Variants in CAMK2D observed in about 807,000 individuals in gnomAD.
CAMK2D encodes the protein calcium/calmodulin-dependent protein kinase type II subunit delta.
Under a neutral mutation model 84.0 loss-of-function variants are expected in CAMK2D, and 37 were observed. That is an observed-to-expected ratio of 0.44 (90% confidence interval 0.34 to 0.58). The LOEUF is 0.58. CAMK2D is among the 20% of genes least tolerant of loss of function. CAMK2D has a pLI of 0.02. For synonymous variants in CAMK2D, 202 were observed against 212.5 expected, an observed-to-expected ratio of 0.95 and a Z score of 0.43; for missense variants, 448 against 652.5, an observed-to-expected ratio of 0.69 and a Z score of 3.41.
At chr4:113,498,065 C>G (rs957768109) in intron 16 of CAMK2D, among the ~76,000 whole-genome samples, 1 of 152,074 alleles carries the variant, frequency 6.6e-6, no homozygotes, top group South Asian at 2.1e-4. Context: ...ATTGTGAGTT[C>G]TTGGATGTTA....
intron 16 of CAMK2D, among the ~76,000 whole-genome samples, chr4:113,491,735 C>A (rs1313042730): frequency 1.3e-5 from 2 of 152,114 alleles, no homozygotes; most frequent in African/African-American, 4.8e-5. Flanking sequence ...CCTCCTCGTA[C>A]CTCTGGTAGA....
chr4:113,604,896 T>C (rs1191159339), intron 4 of CAMK2D, among the ~76,000 whole-genome samples: 1 of 152,224 alleles, frequency 6.6e-6, no homozygotes, highest in Non-Finnish European at 1.5e-5. Context: ...TTGATGACTG[T>C]GGAAAACTGG....
At chr4:113,476,701 G>A (rs2097628373) in intron 16 of CAMK2D, among the ~76,000 whole-genome samples, 2 of 152,114 alleles carry the variant, frequency 1.3e-5, no homozygotes. Context: ...TACTGATCAG[G>A]AGTCATGTAC....
At position 113,451,129 on chromosome 4, in the gene CAMK2D, A is replaced by T. The variant is rs1157135060; in HGVS notation, c.*3416T>A. On this transcript the variant is annotated 3_prime_UTR_variant, in exon 21 of 21. Coordinates refer to ENST00000511664, the MANE Select transcript of CAMK2D (RefSeq NM_001321571.2). ...TATAATTTTTTACATAAAAATTCAA[A>T]ATTTGGGTGAAGATTAATATTCCTT... The T allele has an allele frequency of 6.6e-6, 1 of 152,176 alleles. No individual in the cohort carries two copies. The highest frequency in any genetic ancestry group is 2.4e-5 in the African/African-American group (1 of 41,438). The allele number at this position is 152,176 out of a possible 1,614,324, so 9.4% of individuals were successfully genotyped here. A position where few individuals can be genotyped will look rare whatever the true frequency, so the allele number is the denominator to read the frequency against.
intron 4 of CAMK2D, 25 bp downstream of exon 4, chr4:113,609,127 T>C: frequency 7.5e-7 from 1 of 1,339,542 alleles, no homozygotes; most frequent in South Asian, 1.2e-5. Context: ...ATTGCAAAAA[T>C]AATGAATACA....
intron 18 of CAMK2D, among the ~76,000 whole-genome samples, chr4:113,458,373 A>T (rs185698143): frequency 2.7e-4 from 41 of 152,334 alleles, no homozygotes; most frequent in African/African-American, 9.9e-4. Context: ...AGATCACTAG[A>T]AAAGGTTGAA....
intron 5 of CAMK2D, among the ~76,000 whole-genome samples, chr4:113,548,078 C>T (rs2098596613): frequency 6.6e-6 from 1 of 152,142 alleles, no homozygotes; most frequent in Admixed American, 6.6e-5. Flanking sequence ...AATTGTTTCC[C>T]TTTTCTCTCC....
chr4:113,750,603 T>C (rs1041078071), intron 2 of CAMK2D, among the ~76,000 whole-genome samples: 1 of 152,186 alleles, frequency 6.6e-6, no homozygotes, highest in Non-Finnish European at 1.5e-5. Flanking sequence ...TCTCTAAAAC[T>C]TATCAAGTTG....
At chr4:113,633,242 T>C (rs776471691) in intron 3 of CAMK2D, among the ~76,000 whole-genome samples, 2 of 152,236 alleles carry the variant, frequency 1.3e-5, no homozygotes, top group Non-Finnish European at 2.9e-5. Flanking sequence ...GCCATTTTTA[T>C]GCACAATAAC....
intron 16 of CAMK2D, among the ~76,000 whole-genome samples, chr4:113,476,209 C>T (rs933599726): frequency 6.6e-6 from 1 of 152,088 alleles, no homozygotes; most frequent in South Asian, 2.1e-4. Context: ...ATTACTGTAG[C>T]TTTCTCAGAT....
At chr4:113,613,568 T>C (rs965545268) in intron 3 of CAMK2D, among the ~76,000 whole-genome samples, 1 of 152,180 alleles carries the variant, frequency 6.6e-6, no homozygotes, top group African/African-American at 2.4e-5. Flanking sequence ...TGTGATGCTA[T>C]AATTTTGAGG....
At chr4:113,564,180 C>G (rs1172717617) in intron 4 of CAMK2D, among the ~76,000 whole-genome samples, 2 of 152,142 alleles carry the variant, frequency 1.3e-5, no homozygotes, top group Non-Finnish European at 2.9e-5. Context: ...CAGTGACCTC[C>G]TCCTTGGAAA....
At chr4:113,501,344 A>G (rs1190944778) in intron 15 of CAMK2D, among the ~76,000 whole-genome samples, 1 of 150,636 alleles carries the variant, frequency 6.6e-6, no homozygotes, top group Non-Finnish European at 1.5e-5. Flanking sequence ...ATGTATGAGT[A>G]AAATATTTTC....
chr4:113,703,538 G>T (rs531163026), intron 2 of CAMK2D, among the ~76,000 whole-genome samples: 152 of 152,184 alleles, frequency 1.0e-3, no homozygotes, highest in African/African-American at 3.6e-3. Flanking sequence ...GCCCAGGCTG[G>T]TCTTGAACTC....
intron 4 of CAMK2D, among the ~76,000 whole-genome samples, chr4:113,596,210 A>G (rs2098925525): frequency 1.3e-5 from 2 of 152,330 alleles, no homozygotes; most frequent in African/African-American, 2.4e-5. Context: ...GATTACATCA[A>G]TGCAGTCACA....
chr4:113,534,438 C>G (rs2098476849), intron 7 of CAMK2D, among the ~76,000 whole-genome samples: 1 of 152,136 alleles, frequency 6.6e-6, no homozygotes, highest in African/African-American at 2.4e-5. Context: ...GATGTTGCTT[C>G]TTTTAAAAGT....
chr4:113,736,320 T>C (rs760338004), intron 2 of CAMK2D, among the ~76,000 whole-genome samples: 3 of 152,256 alleles, frequency 2.0e-5, no homozygotes, highest in East Asian at 3.9e-4. Flanking sequence ...ACACTGAGTG[T>C]ACAAAGAAAC....
chr4:113,495,153 C>T lies in CAMK2D; in HGVS notation c.1135+5310G>A, dbSNP rs140836776. 4.6e-3 allele frequency among the ~76,000 whole-genome samples: 700 copies of T among 152,264 alleles called. 6 individuals carry two copies. Among genetic ancestry groups the T allele is most frequent in the African/African-American group, 0.016 (679 of 41,562 alleles). On this transcript the variant is annotated intron_variant, in intron 16 of 20. Transcript: ENST00000511664. ...ACCAGAGTTGTTCCTATTTGGCCAT[C>T]TTGGCTCCTCCCCCCAGTAATTTTT...
At chr4:113,601,107 G>A (rs1225896375) in intron 4 of CAMK2D, among the ~76,000 whole-genome samples, 2 of 152,196 alleles carry the variant, frequency 1.3e-5, no homozygotes, top group Non-Finnish European at 2.9e-5. Context: ...TCTGTAGGTT[G>A]TAACTAAAGA....
Sources: allele counts gnomAD v4.1 joint callset (sites outside exome capture counted in the v4.1 genomes callset), GRCh38; gene constraint gnomAD v4.1.1; transcripts MANE v1.5; gene names NCBI Gene and HGNC (gene_info 2026-07-23, HGNC 2026-07-21).